The following RPS6KC1 variants were observed in gnomAD, a reference collection of about 807,000 sequenced individuals.
The protein encoded by RPS6KC1 is inactive ribosomal protein S6 kinase delta-1.
Under a neutral mutation model 103.8 loss-of-function variants are expected in RPS6KC1, and 54 were observed. That is an observed-to-expected ratio of 0.52 (90% CI 0.42 to 0.65). RPS6KC1 has a LOEUF of 0.65. RPS6KC1 is among the 30% of genes least tolerant of loss of function. The probability of loss-of-function intolerance (pLI) is 0.00; values close to 1 mark genes in which losing one functional copy is unlikely to be tolerated. For synonymous variants in RPS6KC1, 439 were observed against 438.7 expected (o/e 1.00, Z -0.01); for missense variants, 1,151 against 1,253.8 (o/e 0.92, Z 1.24).
At chr1:213,363,605 GCTTGCTTGCTTGCTTGCTTGCTTTCTTT>G in the RPS6KC1 span, among the ~76,000 whole-genome samples, 56 of 61,716 alleles carry the variant, frequency 9.1e-4, 2 homozygotes, top group African/African-American at 4.1e-3. Flanking sequence ...TTGCTCGCTC[GCTTGCTTGCTTGCTTGCTTGCTTTCTTT>G]CTTTCTTTCT....
the RPS6KC1 span, among the ~76,000 whole-genome samples, chr1:213,687,846 G>A: frequency 3.3e-5 from 5 of 152,172 alleles, no homozygotes; most frequent in East Asian, 1.9e-4. Flanking sequence ...TCACACCAGC[G>A]TATGTGCTTA....
At chr1:213,547,799 T>C in the RPS6KC1 span, among the ~76,000 whole-genome samples, 1 of 152,232 alleles carries the variant, frequency 6.6e-6, no homozygotes, top group Non-Finnish European at 1.5e-5. Flanking sequence ...GGAAACGATC[T>C]AAGACTCTCA....
chr1:213,142,561 A>C (rs535038752), intron 6 of RPS6KC1, among the ~76,000 whole-genome samples: 40 of 152,112 alleles, frequency 2.6e-4, no homozygotes, highest in African/African-American at 9.2e-4. Context: ...CAGGTGGATG[A>C]AAGTTTGTAA....
At chr1:213,677,811 G>C in the RPS6KC1 span, among the ~76,000 whole-genome samples, 1 of 152,090 alleles carries the variant, frequency 6.6e-6, no homozygotes, top group Non-Finnish European at 1.5e-5. Context: ...TTCGAGACCA[G>C]CCTGGCCAAG....
downstream of RPS6KC1, among the ~76,000 whole-genome samples, chr1:213,278,511 G>A (rs374783004): frequency 2.8e-4 from 42 of 152,200 alleles, no homozygotes; most frequent in South Asian, 8.5e-3. Flanking sequence ...ATATTTGAAG[G>A]GTCTGTCTTT....
chr1:213,768,809 A>G, the RPS6KC1 span, among the ~76,000 whole-genome samples: 2 of 152,374 alleles, frequency 1.3e-5, no homozygotes, highest in African/African-American at 4.8e-5. Context: ...GAAGAGAGCC[A>G]TTAAGTGTGA....
chr1:213,737,634 T>TGAAA, the RPS6KC1 span, among the ~76,000 whole-genome samples: 597 of 152,200 alleles, frequency 3.9e-3, 5 homozygotes, highest in African/African-American at 0.014. Flanking sequence ...ATGCAACTGG[T>TGAAA]GAAAAGTACA....
At chr1:213,622,819 A>C in the RPS6KC1 span, among the ~76,000 whole-genome samples, 2 of 152,152 alleles carry the variant, frequency 1.3e-5, no homozygotes, top group African/African-American at 4.8e-5. Context: ...TTAATGTCAA[A>C]GGAAACGCCT....
the RPS6KC1 span, among the ~76,000 whole-genome samples, chr1:213,683,502 TC>T: frequency 6.6e-6 from 1 of 151,870 alleles, no homozygotes; most frequent in Non-Finnish European, 1.5e-5. Flanking sequence ...AGTACATTCC[TC>T]CCCCCAGCCT....
At chr1:213,246,599 T>G (rs990265431) in intron 12 of RPS6KC1, among the ~76,000 whole-genome samples, 1 of 152,220 alleles carries the variant, frequency 6.6e-6, no homozygotes, top group African/African-American at 2.4e-5. Flanking sequence ...ATCATTTGAT[T>G]TATTAACTTA....
chr1:213,669,265 A>G, the RPS6KC1 span, among the ~76,000 whole-genome samples: 1 of 152,178 alleles, frequency 6.6e-6, no homozygotes, highest in Non-Finnish European at 1.5e-5. Flanking sequence ...CTTTCACTTG[A>G]ACACCTAGAG....
chr1:213,691,067 C>G, the RPS6KC1 span, among the ~76,000 whole-genome samples: 3 of 152,158 alleles, frequency 2.0e-5, no homozygotes, highest in Admixed American at 6.5e-5. Flanking sequence ...AGCCCATTTT[C>G]TTTTCTTACA....
At chr1:213,461,378 A>AT in the RPS6KC1 span, among the ~76,000 whole-genome samples, 4 of 152,332 alleles carry the variant, frequency 2.6e-5, no homozygotes, top group South Asian at 8.3e-4. Flanking sequence ...TATAGATTCA[A>AT]TGCCATCTCC....
chr1:213,190,950 T>C (rs1375313801), intron 8 of RPS6KC1, among the ~76,000 whole-genome samples: 1 of 152,196 alleles, frequency 6.6e-6, no homozygotes, highest in African/African-American at 2.4e-5. Flanking sequence ...CAAAAATAAG[T>C]TCACTGTAGA....
chr1:213,783,348 T>C, the RPS6KC1 span, among the ~76,000 whole-genome samples: 1 of 152,164 alleles, frequency 6.6e-6, no homozygotes. Context: ...TCCTTTTTGA[T>C]TGACACTTGA....
chr1:213,323,597 G>C, the RPS6KC1 span, among the ~76,000 whole-genome samples: 1 of 152,206 alleles, frequency 6.6e-6, no homozygotes, highest in Admixed American at 6.5e-5. Context: ...GTTGGAGTGG[G>C]AAGGGACCAT....
chr1:213,363,222 A>G, the RPS6KC1 span, among the ~76,000 whole-genome samples: 5 of 152,186 alleles, frequency 3.3e-5, no homozygotes, highest in East Asian at 7.7e-4. Context: ...CCTCTGCATC[A>G]TCATTCAACT....
chr1:213,769,663 G>A, the RPS6KC1 span, among the ~76,000 whole-genome samples: 6 of 151,970 alleles, frequency 3.9e-5, no homozygotes, highest in African/African-American at 1.2e-4. Context: ...AAGAGGAGAA[G>A]TCCTTTTGGA....
the RPS6KC1 span, among the ~76,000 whole-genome samples, chr1:213,554,507 C>A: frequency 2.7e-4 from 41 of 152,298 alleles, no homozygotes; most frequent in East Asian, 4.6e-3. Context: ...TATTTGGGCA[C>A]TTTTCTTTGG....
Sources: gnomAD v4.1 joint callset for allele counts (sites outside exome capture counted in the v4.1 genomes callset) on GRCh38, gnomAD v4.1.1 for gene constraint, MANE v1.5 for transcripts, NCBI Gene and HGNC (gene_info 2026-07-23, HGNC 2026-07-21) for gene names.